The following NCOA1 variants were observed in gnomAD, a reference collection of about 807,000 sequenced individuals.
The protein encoded by NCOA1 is Hin-2 protein.
NCOA1 carries 35 observed loss-of-function variants against 150.9 expected under a neutral mutation model. The observed-to-expected ratio is 0.23, with a 90% CI of 0.18 to 0.31. NCOA1 has a LOEUF of 0.31. NCOA1 is among the 10% of genes least tolerant of loss of function. NCOA1 has a pLI of 1.00. For synonymous variants in NCOA1, 590 were observed against 630.0 expected (o/e 0.94, Z 0.95); for missense variants, 1,491 against 1,749.3 (o/e 0.85, Z 2.63).
intron 1 of NCOA1, among the ~76,000 whole-genome samples, chr2:24,494,478 G>A (rs1329747266): frequency 6.6e-6 from 1 of 152,136 alleles, no homozygotes; most frequent in African/African-American, 2.4e-5. Flanking sequence ...TTATAGGGCA[G>A]GTGTGGGAGG....
intron 6 of NCOA1, among the ~76,000 whole-genome samples, chr2:24,670,207 G>A (rs1438311893): frequency 6.6e-6 from 1 of 152,170 alleles, no homozygotes; most frequent in Non-Finnish European, 1.5e-5. Context: ...CTTCTGATGG[G>A]AATGGAAAAT....
intron 1 of NCOA1, among the ~76,000 whole-genome samples, chr2:24,544,750 AAAG>A (rs927678496): frequency 1.1e-4 from 16 of 152,282 alleles, no homozygotes; most frequent in African/African-American, 3.9e-4. Flanking sequence ...AGAAAAAATA[AAAG>A]AAGATTCTGT....
At chr2:24,690,865 A>G (rs2148558641) in intron 8 of NCOA1, among the ~76,000 whole-genome samples, 1 of 152,196 alleles carries the variant, frequency 6.6e-6, no homozygotes, top group Non-Finnish European at 1.5e-5. Context: ...TTACATAATA[A>G]TATTGATTAT....
At chr2:24,746,792 A>G (rs1187391524) in intron 19 of NCOA1, among the ~76,000 whole-genome samples, 1 of 152,224 alleles carries the variant, frequency 6.6e-6, no homozygotes, top group Non-Finnish European at 1.5e-5. Context: ...GGTACATATC[A>G]TTATACATTT....
intron 1 of NCOA1, among the ~76,000 whole-genome samples, chr2:24,547,897 G>C (rs966881904): frequency 2.7e-5 from 4 of 148,260 alleles, no homozygotes; most frequent in Non-Finnish European, 5.9e-5. Context: ...ACTGAGGCAG[G>C]AGAATGGCGT....
At chr2:24,617,995 A>T (rs1668950814) in intron 3 of NCOA1, among the ~76,000 whole-genome samples, 1 of 152,236 alleles carries the variant, frequency 6.6e-6, no homozygotes, top group Non-Finnish European at 1.5e-5. Context: ...CAATATATTC[A>T]TTATAATTCC....
intron 1 of NCOA1, among the ~76,000 whole-genome samples, chr2:24,506,873 T>C (rs1215167407): frequency 6.6e-6 from 1 of 152,190 alleles, no homozygotes; most frequent in Non-Finnish European, 1.5e-5. Flanking sequence ...AGTATGTTGA[T>C]TGCATTGTTT....
At chr2:24,683,165 C>A (rs1672252636) in intron 8 of NCOA1, 37 bp downstream of exon 8, 1 of 1,355,488 alleles carries the variant, frequency 7.4e-7, no homozygotes, top group African/African-American at 1.5e-5. Flanking sequence ...AATACTAGCT[C>A]TCTGTATCTT....
intron 2 of NCOA1, among the ~76,000 whole-genome samples, chr2:24,580,336 C>G (rs1233415814): frequency 6.6e-6 from 1 of 152,140 alleles, no homozygotes; most frequent in Non-Finnish European, 1.5e-5. Flanking sequence ...TCAGCCCAGC[C>G]CACTTTCTTC....
intron 3 of NCOA1, among the ~76,000 whole-genome samples, chr2:24,601,068 C>T (rs955106177): frequency 1.3e-4 from 20 of 150,844 alleles, no homozygotes; most frequent in Admixed American, 4.6e-4. Flanking sequence ...AATATGCATG[C>T]AATTTACATG....
intron 3 of NCOA1, among the ~76,000 whole-genome samples, chr2:24,627,150 A>G (rs1300066019): frequency 8.2e-6 from 1 of 122,306 alleles, no homozygotes; most frequent in Non-Finnish European, 1.7e-5. Context: ...TTTTAAGTTA[A>G]GGCTAGGTCT....
chr2:24,567,839 C>G (rs1052653297), intron 2 of NCOA1, among the ~76,000 whole-genome samples: 1 of 152,122 alleles, frequency 6.6e-6, no homozygotes, highest in Non-Finnish European at 1.5e-5. Context: ...CAACCTCCGC[C>G]TCCTGGGTTC....
intron 3 of NCOA1, among the ~76,000 whole-genome samples, chr2:24,603,622 G>A (rs570802441): frequency 9.9e-4 from 151 of 152,322 alleles, no homozygotes; most frequent in African/African-American, 3.5e-3. Flanking sequence ...TTCATAAGAA[G>A]CATCTCCTTA....
At chr2:24,747,327 CT>C (rs148901218) in intron 19 of NCOA1, among the ~76,000 whole-genome samples, 2,031 of 120,162 alleles carry the variant, frequency 0.017, 23 homozygotes, top group African/African-American at 0.041. Flanking sequence ...TTATTTTTCT[CT>C]TTTTTTTTTT....
At chr2:24,629,479 GTT>G (rs11333104) in intron 3 of NCOA1, among the ~76,000 whole-genome samples, 1,510 of 132,376 alleles carry the variant, frequency 0.011, 15 homozygotes, top group African/African-American at 0.025. Context: ...TACTGTTTGG[GTT>G]TTTTTTTTTT....
At chr2:24,506,099 C>T (rs1261651992) in intron 1 of NCOA1, among the ~76,000 whole-genome samples, 2 of 151,776 alleles carry the variant, frequency 1.3e-5, no homozygotes, top group Admixed American at 6.6e-5. Context: ...CATCAGTTGC[C>T]CAATTTGCTT....
intron 2 of NCOA1, among the ~76,000 whole-genome samples, chr2:24,568,132 A>G (rs1335232230): frequency 6.6e-6 from 1 of 152,202 alleles, no homozygotes; most frequent in East Asian, 1.9e-4. Context: ...CCATTTTGAA[A>G]ATGAAGAAAA....
At chr2:24,610,176 G>C (rs866605018) in intron 3 of NCOA1, among the ~76,000 whole-genome samples, 10 of 145,024 alleles carry the variant, frequency 6.9e-5, no homozygotes, top group Middle Eastern at 3.6e-3. Flanking sequence ...TCAGGCTGGA[G>C]TGCAGTGGCG....
intron 1 of NCOA1, among the ~76,000 whole-genome samples, chr2:24,552,742 G>A (rs1665913044): frequency 6.6e-6 from 1 of 151,936 alleles, no homozygotes; most frequent in African/African-American, 2.4e-5. Flanking sequence ...TTATACAATT[G>A]CTACTATTTT....
Sources: allele counts gnomAD v4.1 joint callset (sites outside exome capture counted in the v4.1 genomes callset), GRCh38; gene constraint gnomAD v4.1.1; transcripts MANE v1.5; gene names NCBI Gene and HGNC (gene_info 2026-07-23, HGNC 2026-07-21).